Variants in LSAMP observed in about 807,000 individuals in gnomAD.
LSAMP encodes the protein limbic system associated membrane protein.
In LSAMP, 7 loss-of-function variants were observed where a neutral mutation model predicts 38.6. The ratio of observed to expected loss-of-function variants is 0.18; its 90% confidence interval spans 0.10 to 0.34. The LOEUF (loss-of-function observed/expected upper bound fraction) is 0.34. LSAMP is among the 10% of genes least tolerant of loss of function. The probability of loss-of-function intolerance (pLI) is 1.00; values close to 1 mark genes in which losing one functional copy is unlikely to be tolerated. For missense variants in LSAMP, 313 were observed against 420.0 expected, an observed-to-expected ratio of 0.75 and a Z score of 2.23; for synonymous variants, 154 against 166.8, an observed-to-expected ratio of 0.92 and a Z score of 0.59.
chr3:115,815,461 C>T (rs1933987961), intron 6 of LSAMP, among the ~76,000 whole-genome samples: 1 of 152,144 alleles, frequency 6.6e-6, no homozygotes, highest in Non-Finnish European at 1.5e-5. Context: ...GCACTTTATG[C>T]ATTTTCTCTA....
At chr3:116,297,370 G>GAA (rs2047350633) in intron 1 of LSAMP, among the ~76,000 whole-genome samples, 3 of 152,152 alleles carry the variant, frequency 2.0e-5, no homozygotes, top group African/African-American at 7.2e-5. Context: ...AGGATAGTGA[G>GAA]ATCCCTAGCT....
chr3:116,017,216 A>G (rs1313652151), intron 3 of LSAMP, among the ~76,000 whole-genome samples: 3 of 152,174 alleles, frequency 2.0e-5, no homozygotes, highest in African/African-American at 7.2e-5. Flanking sequence ...TCAAGGGATA[A>G]AAAGGAATCT....
At chr3:116,181,881 G>A (rs181465960) in intron 1 of LSAMP, among the ~76,000 whole-genome samples, 1 of 151,956 alleles carries the variant, frequency 6.6e-6, no homozygotes, top group Admixed American at 6.6e-5. Flanking sequence ...AATCTCTTTC[G>A]TGGGAATCAA....
At chr3:116,252,408 A>T (rs904830214) in intron 1 of LSAMP, among the ~76,000 whole-genome samples, 1 of 152,230 alleles carries the variant, frequency 6.6e-6, no homozygotes, top group African/African-American at 2.4e-5. Flanking sequence ...AAAGCCAGTC[A>T]TAATAGAATT....
chr3:116,330,886 G>A (rs375902345), intron 1 of LSAMP, among the ~76,000 whole-genome samples: 1 of 152,082 alleles, frequency 6.6e-6, no homozygotes, highest in South Asian at 2.1e-4. Flanking sequence ...AAAGAAGGTA[G>A]TATGGCACAT....
At chr3:115,957,588 C>T (rs1938492363) in intron 3 of LSAMP, among the ~76,000 whole-genome samples, 3 of 152,124 alleles carry the variant, frequency 2.0e-5, no homozygotes, top group Admixed American at 2.0e-4. Flanking sequence ...AAGTATGTCA[C>T]CATTGTATGC....
At chr3:116,442,536 G>T (rs991787458) in intron 1 of LSAMP, among the ~76,000 whole-genome samples, 13 of 152,044 alleles carry the variant, frequency 8.6e-5, no homozygotes, top group Admixed American at 8.5e-4. Flanking sequence ...GACCCAGAAA[G>T]CTTACCGGTT....
At chr3:116,188,477 T>A (rs2107578499) in intron 1 of LSAMP, among the ~76,000 whole-genome samples, 1 of 152,282 alleles carries the variant, frequency 6.6e-6, no homozygotes, top group South Asian at 2.1e-4. Context: ...TCCCAGGGAC[T>A]TTGCTGCTTT....
chr3:116,071,530 C>A (rs924089928), intron 2 of LSAMP, among the ~76,000 whole-genome samples: 2 of 152,024 alleles, frequency 1.3e-5, no homozygotes, highest in Admixed American at 1.3e-4. Context: ...GATATATTGA[C>A]CATTGTTGAT....
At chr3:116,260,115 T>C (rs1375561192) in intron 1 of LSAMP, among the ~76,000 whole-genome samples, 3 of 152,176 alleles carry the variant, frequency 2.0e-5, no homozygotes, top group Non-Finnish European at 4.4e-5. Flanking sequence ...ATTCAGAAGA[T>C]GGTTTTATGT....
intron 1 of LSAMP, among the ~76,000 whole-genome samples, chr3:116,166,974 G>C (rs1404754006): frequency 6.6e-6 from 1 of 151,816 alleles, no homozygotes; most frequent in African/African-American, 2.4e-5. Flanking sequence ...TGTATTTTTA[G>C]TAGAGACGGG....
chr3:116,229,037 G>T (rs2046371316), intron 1 of LSAMP, among the ~76,000 whole-genome samples: 1 of 152,038 alleles, frequency 6.6e-6, no homozygotes, highest in South Asian at 2.1e-4. Flanking sequence ...CTCAAAAATT[G>T]GAACAAAGTC....
intron 2 of LSAMP, among the ~76,000 whole-genome samples, chr3:116,038,212 G>T (rs148845404): frequency 6.6e-6 from 1 of 152,142 alleles, no homozygotes; most frequent in African/African-American, 2.4e-5. Context: ...TGAAGGATGG[G>T]AAAATTAACT....
At chr3:116,317,678 G>T (rs1332503650) in intron 1 of LSAMP, among the ~76,000 whole-genome samples, 1 of 151,774 alleles carries the variant, frequency 6.6e-6, no homozygotes, top group Non-Finnish European at 1.5e-5. Flanking sequence ...AATCTCATCT[G>T]CATGATGTTA....
chr3:115,991,541 A>C (rs1939668289), intron 3 of LSAMP, among the ~76,000 whole-genome samples: 1 of 152,130 alleles, frequency 6.6e-6, no homozygotes, highest in Non-Finnish European at 1.5e-5. Flanking sequence ...AATTGTATAA[A>C]TTTGTGGGGT....
At chr3:116,279,571 A>C (rs1382530785) in intron 1 of LSAMP, among the ~76,000 whole-genome samples, 1 of 152,166 alleles carries the variant, frequency 6.6e-6, no homozygotes, top group East Asian at 1.9e-4. Flanking sequence ...AAGTGGTACA[A>C]ATTTTTCATA....
At chr3:115,958,403 T>A (rs1459307364) in intron 3 of LSAMP, among the ~76,000 whole-genome samples, 2 of 152,186 alleles carry the variant, frequency 1.3e-5, no homozygotes, top group African/African-American at 4.8e-5. Flanking sequence ...TACAACTGTG[T>A]TTTTAAGTAG....
At chr3:116,201,496 G>A (rs1257880012) in intron 1 of LSAMP, among the ~76,000 whole-genome samples, 1 of 152,174 alleles carries the variant, frequency 6.6e-6, no homozygotes, top group East Asian at 1.9e-4. Flanking sequence ...GAGTGCCCCA[G>A]TCGCCACAGC....
At chr3:116,376,348 C>T (rs1304645791) in intron 1 of LSAMP, among the ~76,000 whole-genome samples, 1 of 151,966 alleles carries the variant, frequency 6.6e-6, no homozygotes, top group East Asian at 1.9e-4. Context: ...AAAAGGGATT[C>T]CTTCTTATTA....
Sources: gnomAD v4.1 joint callset for allele counts (sites outside exome capture counted in the v4.1 genomes callset) on GRCh38, gnomAD v4.1.1 for gene constraint, MANE v1.5 for transcripts, NCBI Gene and HGNC (gene_info 2026-07-23, HGNC 2026-07-21) for gene names.